NTN1: variants seen among roughly 807,000 people sequenced by gnomAD.
The protein encoded by NTN1 is netrin 1, also known as netrin-1.
NTN1 carries 11 observed loss-of-function variants against 54.2 expected under a neutral mutation model. That is an observed-to-expected ratio of 0.20 (90% CI 0.13 to 0.34). NTN1 has a LOEUF of 0.34. Ranked by LOEUF, NTN1 falls within the 10% of genes least tolerant of loss-of-function variation. The pLI, the probability that NTN1 is intolerant of heterozygous loss-of-function variation, is 1.00. For synonymous variants in NTN1, 371 were observed against 382.0 expected (o/e 0.97, Z 0.33); for missense variants, 740 against 893.1 (o/e 0.83, Z 2.18).
chr17:9,091,381 A>G (rs2092109874), intron 2 of NTN1, among the ~76,000 whole-genome samples: 1 of 151,590 alleles, frequency 6.6e-6, no homozygotes, highest in African/African-American at 2.4e-5. Flanking sequence ...CAGCCTCCCC[A>G]GTAGCTGGAA....
At chr17:9,112,351 A>C (rs1395796226) in intron 2 of NTN1, among the ~76,000 whole-genome samples, 1 of 152,212 alleles carries the variant, frequency 6.6e-6, no homozygotes, top group Non-Finnish European at 1.5e-5. Context: ...TGTAACCCCA[A>C]AATAAATACT....
At chr17:9,118,106 C>A (rs974677604) in intron 2 of NTN1, among the ~76,000 whole-genome samples, 1 of 152,208 alleles carries the variant, frequency 6.6e-6, no homozygotes, top group Admixed American at 6.5e-5. Context: ...TCAGTTTCGT[C>A]ACCTGTAAAA....
chr17:9,212,470 G>A lies in NTN1; in HGVS notation c.1412-8698G>A, dbSNP rs1905129971. On this transcript the variant is annotated intron_variant, in intron 5 of 6. Transcript: ENST00000173229. This position sits in a 1 kb window ranked among gnomAD's most constrained non-coding sequence, Gnocchi z 5.5. ...CAGCTTTCTGGTTCTAGATCAGGCA[G>A]CACCAAACATACTTTCTGGGCAGAC... Among the ~76,000 whole-genome samples, 2 of 152,234 alleles carry A rather than the reference G, an allele frequency of 1.3e-5. No individual in the cohort carries two copies. The highest frequency in any genetic ancestry group is 1.3e-4 in the Admixed American group (2 of 15,294).
intron 2 of NTN1, among the ~76,000 whole-genome samples, chr17:9,097,790 A>G (rs1269823850): frequency 1.3e-5 from 2 of 152,180 alleles, no homozygotes; most frequent in Non-Finnish European, 2.9e-5. Flanking sequence ...CTAAATCAGC[A>G]GTGTGGATTC....
At chr17:9,071,553 C>A (rs1244330080) in intron 2 of NTN1, among the ~76,000 whole-genome samples, 1 of 152,144 alleles carries the variant, frequency 6.6e-6, no homozygotes. Context: ...AGTTTCTAAG[C>A]CCTAGGCTGT....
chr17:9,062,399 AATGTCAGGCTGT>A (rs1187624070), intron 2 of NTN1, among the ~76,000 whole-genome samples: 1 of 152,208 alleles, frequency 6.6e-6, no homozygotes, highest in African/African-American at 2.4e-5. Flanking sequence ...CCTTTCTGCA[AATGTCAGGCTGT>A]ATGATAATTG....
At chr17:9,051,203 A>C (rs968887862) in intron 2 of NTN1, among the ~76,000 whole-genome samples, 1 of 152,254 alleles carries the variant, frequency 6.6e-6, no homozygotes, top group Non-Finnish European at 1.5e-5. Context: ...AAGGGTTTGC[A>C]GACACAAAAG....
chr17:9,199,276 G>A (rs1285478122), intron 5 of NTN1, among the ~76,000 whole-genome samples: 1 of 152,150 alleles, frequency 6.6e-6, no homozygotes, highest in East Asian at 1.9e-4. Context: ...CCAAGTAGCT[G>A]GGATTACAGG....
chr17:9,154,383 G>T (rs1461637092), intron 2 of NTN1, among the ~76,000 whole-genome samples: 1 of 152,236 alleles, frequency 6.6e-6, no homozygotes, highest in Non-Finnish European at 1.5e-5. Context: ...TTTGCTAATA[G>T]TGAAGTAAAA....
At chr17:9,015,015 C>G in the NTN1 span, among the ~76,000 whole-genome samples, 1 of 152,324 alleles carries the variant, frequency 6.6e-6, no homozygotes, top group African/African-American at 2.4e-5. Flanking sequence ...CAATAATATA[C>G]CTATCTTACA....
intron 2 of NTN1, among the ~76,000 whole-genome samples, chr17:9,033,379 GTTGTTTGT>G (rs891853307): frequency 6.6e-6 from 1 of 152,160 alleles, no homozygotes; most frequent in Non-Finnish European, 1.5e-5. Context: ...GGGTAGAGAG[GTTGTTTGT>G]TTGTTTGTTT....
At chr17:9,134,864 A>G (rs1182500455) in intron 2 of NTN1, among the ~76,000 whole-genome samples, 2 of 152,174 alleles carry the variant, frequency 1.3e-5, no homozygotes, top group Admixed American at 1.3e-4. Flanking sequence ...ACTTCTCAAT[A>G]AAGCGTCTTC....
chr17:9,109,723 C>T (rs1013925929), intron 2 of NTN1, among the ~76,000 whole-genome samples: 1 of 152,192 alleles, frequency 6.6e-6, no homozygotes, highest in Non-Finnish European at 1.5e-5. Flanking sequence ...GCAATTCCCA[C>T]CAGCTCTATG....
chr17:9,179,665 TG>T (rs2092412266), intron 3 of NTN1, 141 bp from the exon 4 acceptor site: 2 of 1,050,564 alleles, frequency 1.9e-6, no homozygotes, highest in Non-Finnish European at 2.7e-6. Flanking sequence ...GGAGTGCGTT[TG>T]GGCTTGGCTG....
chr17:9,182,009 G>A (rs1441192438), intron 4 of NTN1, among the ~76,000 whole-genome samples: 2 of 152,140 alleles, frequency 1.3e-5, no homozygotes, highest in Non-Finnish European at 2.9e-5. Flanking sequence ...ACAGGATCTT[G>A]CTCTGTTGCC....
chr17:9,162,981 C>G lies in NTN1; in HGVS notation c.1187C>G (p.Thr396Ser). Residue 396 changes from threonine to serine, a missense_variant, in exon 3 of 7, where the codon ACC (threonine) becomes AGC (serine). Physicochemically the swap from Thr to Ser is moderately conservative, Grantham distance 58. Coordinates refer to ENST00000173229, the MANE Select transcript of NTN1 (RefSeq NM_004822.3). ...TACCGCGACATGGGCAAGCCCATCACCCACCGGAAGGCCTGCAAAGGTGGG... is the reference window on the plus strand; with the variant it reads ...TACCGCGACATGGGCAAGCCCATCAGCCACCGGAAGGCCTGCAAAGGTGGG... ...GYYRDMGKPI[T>S]HRKACKACDC... The G allele has an allele frequency of 4.3e-6, 7 of 1,611,778 alleles. No homozygotes were observed. The highest frequency in any genetic ancestry group is 5.9e-6 in the Non-Finnish European group (7 of 1,178,924).
At chr17:9,133,307 TCA>T (rs958859399) in intron 2 of NTN1, among the ~76,000 whole-genome samples, 2 of 152,220 alleles carry the variant, frequency 1.3e-5, no homozygotes, top group African/African-American at 4.8e-5. Flanking sequence ...TGGTTCTCAC[TCA>T]CAGGACCTGT....
At chr17:9,123,885 G>A (rs1388826143) in intron 2 of NTN1, among the ~76,000 whole-genome samples, 1 of 152,066 alleles carries the variant, frequency 6.6e-6, no homozygotes, top group South Asian at 2.1e-4. Flanking sequence ...AAATGTGAAG[G>A]GTTATTCATG....
intron 2 of NTN1, among the ~76,000 whole-genome samples, chr17:9,093,934 A>G (rs1231624049): frequency 2.0e-5 from 3 of 152,204 alleles, no homozygotes; most frequent in African/African-American, 7.2e-5. Flanking sequence ...AGATTGTGGC[A>G]CTGCACTCCA....
Sources: gnomAD v4.1 joint callset for allele counts (sites outside exome capture counted in the v4.1 genomes callset) on GRCh38, gnomAD v4.1.1 for gene constraint, Gnocchi (gnomAD v3.1) non-coding constraint, MANE v1.5 for transcripts, NCBI Gene and HGNC (gene_info 2026-07-23, HGNC 2026-07-21) for gene names.